STK3: variants seen among roughly 807,000 people sequenced by gnomAD.
STK3 encodes serine/threonine-protein kinase 3.
STK3 carries 41 observed loss-of-function variants against 58.0 expected under a neutral mutation model. The ratio of observed to expected loss-of-function variants is 0.71; its 90% CI spans 0.55 to 0.92. The LOEUF (loss-of-function observed/expected upper bound fraction) is 0.92. Among genes scored for constraint, STK3 ranks in the 40% least tolerant of loss-of-function variants. The probability of loss-of-function intolerance (pLI) is 0.00; values close to 1 mark genes in which losing one functional copy is unlikely to be tolerated. For missense variants in STK3, 479 were observed against 602.7 expected (o/e 0.79, Z 2.15); for synonymous variants, 170 against 191.0 (o/e 0.89, Z 0.91).
the STK3 span, among the ~76,000 whole-genome samples, chr8:98,359,382 G>T: frequency 1.4e-5 from 2 of 147,056 alleles, no homozygotes; most frequent in African/African-American, 5.0e-5. Context: ...AATTAGCCTG[G>T]TGTACTGGTG....
At position 98,652,205 on chromosome 8, in the gene STK3, A is replaced by C. The variant is rs143010647; in HGVS notation, c.684+54262T>G. Among the ~76,000 whole-genome samples, 1,465 of 152,284 alleles carry C rather than the reference A, an allele frequency of 9.6e-3. 15 individuals are homozygous for C. The highest frequency in any genetic ancestry group is 0.013 in the Non-Finnish European group (859 of 68,016). On this transcript the variant is annotated intron_variant, in intron 6 of 10. Coordinates refer to ENST00000419617, the MANE Select transcript of STK3 (RefSeq NM_006281.4). Reference sequence around the variant, plus strand: ...GATTATTAAAGAAAAGAATTTTCAAACCAGAATTTCATATCCAGCCAAACT... The same window carrying C: ...GATTATTAAAGAAAAGAATTTTCAACCCAGAATTTCATATCCAGCCAAACT...
chr8:98,898,800 C>T (rs1043453319), intron 1 of STK3, among the ~76,000 whole-genome samples: 11 of 152,230 alleles, frequency 7.2e-5, no homozygotes, highest in African/African-American at 1.7e-4. Flanking sequence ...GTATTTAAAA[C>T]GAAAGAAATA....
intron 3 of STK3, chr8:98,430,014 G>A (rs537417243): frequency 6.0e-6 from 1 of 167,308 alleles, no homozygotes; most frequent in East Asian, 1.9e-4. Flanking sequence ...CTGTAGTTCC[G>A]TGGCTTGCAT....
intron 7 of STK3, among the ~76,000 whole-genome samples, chr8:98,582,772 AT>A (rs1358243785): frequency 6.6e-6 from 1 of 152,266 alleles, no homozygotes; most frequent in East Asian, 1.9e-4. Context: ...AAAAGATGTA[AT>A]TTGTTTATTA....
intron 10 of STK3, 75 bp from the exon 11 acceptor site, chr8:98,456,075 T>A: frequency 8.2e-6 from 11 of 1,343,520 alleles, no homozygotes; most frequent in African/African-American, 1.5e-5. Context: ...GAAATTAGAC[T>A]TTAATGTCTA....
At chr8:98,387,605 A>G (rs1704351904) in intron 1 of STK3, among the ~76,000 whole-genome samples, 1 of 152,114 alleles carries the variant, frequency 6.6e-6, no homozygotes, top group Admixed American at 6.6e-5. Context: ...AAAATTAGCC[A>G]GGCATGATGG....
intron 1 of STK3, among the ~76,000 whole-genome samples, chr8:98,794,241 A>G (rs1434355292): frequency 6.6e-6 from 1 of 152,082 alleles, no homozygotes; most frequent in African/African-American, 2.4e-5. Context: ...TTGGTTTTCT[A>G]AGAGGAAAAA....
intron 1 of STK3, among the ~76,000 whole-genome samples, chr8:98,801,497 G>A (rs1226074463): frequency 2.0e-5 from 3 of 152,142 alleles, no homozygotes; most frequent in African/African-American, 7.2e-5. Context: ...AAGGTCTGCA[G>A]CTTCACTCCT....
chr8:98,708,774 T>C (rs1420138250), intron 4 of STK3, among the ~76,000 whole-genome samples: 1 of 152,168 alleles, frequency 6.6e-6, no homozygotes, highest in East Asian at 1.9e-4. Context: ...GTGAATTGAC[T>C]GAGTGAGTGA....
chr8:98,758,386 T>C (rs755783512), intron 3 of STK3, among the ~76,000 whole-genome samples: 11 of 152,136 alleles, frequency 7.2e-5, no homozygotes, highest in Non-Finnish European at 1.6e-4. Flanking sequence ...TGGACATAAA[T>C]GCAAAAATTC....
chr8:98,734,848 T>C (rs1010809313), intron 4 of STK3, among the ~76,000 whole-genome samples: 2 of 151,880 alleles, frequency 1.3e-5, no homozygotes, highest in Admixed American at 1.3e-4. Flanking sequence ...AAAAAGCTCA[T>C]ATTACCTTAC....
At position 98,649,019 on chromosome 8, in the gene STK3, G is replaced by GT. The variant is rs531874875; in HGVS notation, c.685-52851_685-52850insA. 9.4e-5 allele frequency among the ~76,000 whole-genome samples: 14 copies of GT among 149,416 alleles called. 1 individual carries two copies. In the South Asian group the frequency reaches 3.0e-3, roughly 32 times the overall value. ...TTGCAGTGAGCCAAGATTGTGCACT[G>GT]CACTCCAGCCTGGGCAACAAGAGCA... On this transcript the variant is annotated intron_variant, in intron 6 of 10. Coordinates refer to ENST00000419617, the MANE Select transcript of STK3 (RefSeq NM_006281.4).
At chr8:98,659,015 G>A (rs1821763996) in intron 6 of STK3, among the ~76,000 whole-genome samples, 1 of 152,016 alleles carries the variant, frequency 6.6e-6, no homozygotes, top group Non-Finnish European at 1.5e-5. Flanking sequence ...ATTCAGTACA[G>A]TAACATGCTG....
At chr8:98,929,440 T>C (rs1587861418) in intron 1 of STK3, among the ~76,000 whole-genome samples, 1 of 152,298 alleles carries the variant, frequency 6.6e-6, no homozygotes, top group East Asian at 1.9e-4. Flanking sequence ...GAGGATTGCT[T>C]GAGCTCAGGA....
At chr8:98,639,746 T>A (rs1358741018) in intron 6 of STK3, among the ~76,000 whole-genome samples, 1 of 152,208 alleles carries the variant, frequency 6.6e-6, no homozygotes, top group African/African-American at 2.4e-5. Context: ...TGTTTTTCCA[T>A]GTTAACGTGA....
chr8:98,506,016 G>C (rs901966353), intron 10 of STK3, among the ~76,000 whole-genome samples: 10 of 152,242 alleles, frequency 6.6e-5, no homozygotes, highest in African/African-American at 2.2e-4. Context: ...GGGGTCTATA[G>C]AGTCAGCAGG....
At position 98,404,096 on chromosome 8, in the gene STK3, T is replaced by C. The variant is rs191027107; in HGVS notation, n.484-2583A>G. ...CACTGAATTTAGTGCTTATCCTCTT[T>C]TGATCAGTCTTTTCAATGATATTGC... On this transcript the variant is annotated intron_variant and non_coding_transcript_variant, in intron 3 of 3. Transcript: ENST00000517832. 2.0e-5 allele frequency among the ~76,000 whole-genome samples: 3 copies of C among 152,342 alleles called. No individual in the cohort carries two copies. In the East Asian group the frequency reaches 5.8e-4, roughly 29 times the overall value.
chr8:98,433,993 T>A (rs1305023869), intron 3 of STK3: 1 of 152,250 alleles, frequency 6.6e-6, no homozygotes, highest in Non-Finnish European at 1.5e-5. Flanking sequence ...CAGGGCTAAC[T>A]CTTTGCTCAT....
At chr8:98,728,466 C>G (rs1183505019) in intron 4 of STK3, among the ~76,000 whole-genome samples, 1 of 152,100 alleles carries the variant, frequency 6.6e-6, no homozygotes, top group Non-Finnish European at 1.5e-5. Flanking sequence ...ACTAGTGATT[C>G]AAAATGAAAG....
Sources: gnomAD v4.1 joint callset for allele counts (sites outside exome capture counted in the v4.1 genomes callset) on GRCh38, gnomAD v4.1.1 for gene constraint, MANE v1.5 for transcripts, NCBI Gene and HGNC (gene_info 2026-07-23, HGNC 2026-07-21) for gene names.